The following DUOXA1 variants were observed in gnomAD, a reference collection of about 807,000 sequenced individuals.
DUOXA1 encodes dual oxidase activator 1.
DUOXA1 carries 19 observed loss-of-function variants against 26.6 expected under a neutral mutation model. That is an observed-to-expected ratio of 0.71 (90% CI 0.50 to 1.05). The LOEUF is 1.05. Ranked by LOEUF, DUOXA1 falls within the 50% of genes least tolerant of loss-of-function variation. DUOXA1 has a pLI of 0.00. For missense variants in DUOXA1, 403 were observed against 427.5 expected (o/e 0.94, Z 0.51); for synonymous variants, 166 against 177.0 (o/e 0.94, Z 0.49).
At chr15:45,128,168 G>C (rs1225253639) in intron 3 of DUOXA1, among the ~76,000 whole-genome samples, 1 of 152,160 alleles carries the variant, frequency 6.6e-6, no homozygotes, top group Admixed American at 6.5e-5. Context: ...GGTTGAAGTG[G>C]AGTTCCTATG....
At chr15:45,124,151 T>C (rs894171757) in intron 3 of DUOXA1, among the ~76,000 whole-genome samples, 1 of 152,254 alleles carries the variant, frequency 6.6e-6, no homozygotes, top group Non-Finnish European at 1.5e-5. Flanking sequence ...TAATTTAGTC[T>C]GACCACACAT....
intron 3 of DUOXA1, among the ~76,000 whole-genome samples, chr15:45,125,734 G>A (rs1171647600): frequency 6.6e-6 from 1 of 151,964 alleles, no homozygotes; most frequent in African/African-American, 2.4e-5. Flanking sequence ...CCATCTCTTT[G>A]TGGCTCCTCT....
At chr15:45,124,857 G>A (rs1277202965) in intron 3 of DUOXA1, among the ~76,000 whole-genome samples, 1 of 152,154 alleles carries the variant, frequency 6.6e-6, no homozygotes, top group Non-Finnish European at 1.5e-5. Flanking sequence ...AATCCATTCT[G>A]GGACTAGTTT....
At chr15:45,126,662 TGTAGA>T (rs146009785) in intron 3 of DUOXA1, among the ~76,000 whole-genome samples, 9,034 of 152,272 alleles carry the variant, frequency 0.059, 927 homozygotes, top group African/African-American at 0.21. Context: ...ATCCCCTGGA[TGTAGA>T]GTATACTAAT....
chr15:45,120,841 A>G (rs772073643), intron 6 of DUOXA1, 36 bp from the exon 7 acceptor site: 1 of 1,609,416 alleles, frequency 6.2e-7, no homozygotes, highest in Non-Finnish European at 8.5e-7. Context: ...GCAGGAACCC[A>G]AGGGCCAGAG....
At position 45,117,579 on chromosome 15, in the gene DUOXA1, C is replaced by A; in HGVS notation, c.*1527G>T. The stretch of plus-strand genomic sequence containing the variant: ...AGGCTCCAAAAGATGGAAGAAGGCC[C>A]GGGCATCACGCCTGTAATCCCAGCA... On this transcript the variant is annotated 3_prime_UTR_variant, in exon 9 of 9. Coordinates refer to ENST00000560572, the MANE Select transcript of DUOXA1 (RefSeq NM_001276266.2). 1 of 1,605,212 alleles carries A rather than the reference C, an allele frequency of 6.2e-7. No homozygotes were observed. Among genetic ancestry groups the A allele is most frequent in the Non-Finnish European group, 8.5e-7 (1 of 1,175,430 alleles).
intron 5 of DUOXA1, 65 bp downstream of exon 5, chr15:45,122,120 G>A: frequency 1.3e-6 from 2 of 1,522,128 alleles, no homozygotes; most frequent in Non-Finnish European, 1.8e-6. Flanking sequence ...GAGAGGAGAT[G>A]CAGGCTGCTG....
intron 4 of DUOXA1, 140 bp from the exon 5 acceptor site, chr15:45,122,382 A>G (rs1234588533): frequency 1.6e-5 from 13 of 789,740 alleles, no homozygotes; most frequent in Non-Finnish European, 2.8e-5. Flanking sequence ...CTGGCACATA[A>G]TAAGTGCTTA....
rs1433503580 is a variant in DUOXA1, at chr15:45,117,471, G to C, written c.*1635C>G. On this transcript the variant is annotated 3_prime_UTR_variant, in exon 9 of 9. Transcript: ENST00000560572. Reference sequence around the variant, plus strand: ...TATGACCATTTTACAGATGAAAAGTGGGGGGCTCAGAAGGGTTTGGTGTCT... The same window carrying C: ...TATGACCATTTTACAGATGAAAAGTCGGGGGCTCAGAAGGGTTTGGTGTCT... The C allele has an allele frequency of 6.5e-7, 1 of 1,548,472 alleles. No individual in the cohort carries two copies. The highest frequency in any genetic ancestry group is 8.7e-7 in the Non-Finnish European group (1 of 1,144,814).
intron 8 of DUOXA1, 108 bp from the exon 9 acceptor site, chr15:45,119,473 C>T: frequency 6.9e-7 from 1 of 1,450,072 alleles, no homozygotes; most frequent in Non-Finnish European, 9.1e-7. Context: ...AGAGCCCCTG[C>T]TTCAGGGCAA....
chr15:45,123,095 G>A, intron 3 of DUOXA1, 52 bp from the exon 4 acceptor site: 1 of 1,478,538 alleles, frequency 6.8e-7, no homozygotes, highest in African/African-American at 1.4e-5. Flanking sequence ...ACCTGGCACT[G>A]TTTTTAGTGC....
At chr15:45,123,656 C>T (rs901666634) in intron 3 of DUOXA1, among the ~76,000 whole-genome samples, 2 of 152,232 alleles carry the variant, frequency 1.3e-5, no homozygotes, top group Non-Finnish European at 2.9e-5. Context: ...TTGAGCTTCA[C>T]TGAGTTCACC....
chr15:45,117,943 G>T lies in DUOXA1; in HGVS notation c.*1163C>A. On this transcript the variant is annotated 3_prime_UTR_variant, in exon 9 of 9. Transcript: ENST00000560572. ...CAATCTGGACTCCTTCCCCGCCTTGGGACATCGCAGGCCGGGAAGCAGTGC... is the reference window on the plus strand; with the variant it reads ...CAATCTGGACTCCTTCCCCGCCTTGTGACATCGCAGGCCGGGAAGCAGTGC... The T allele has an allele frequency of 6.2e-7, 1 of 1,613,026 alleles. No homozygotes were observed. Among genetic ancestry groups the T allele is most frequent in the East Asian group, 2.2e-5 (1 of 44,876 alleles).
chr15:45,120,054 C>T (rs1810657025), intron 8 of DUOXA1, 49 bp downstream of exon 8: 2 of 1,605,060 alleles, frequency 1.2e-6, no homozygotes, highest in South Asian at 1.1e-5. Flanking sequence ...CAGGCCCTCC[C>T]TCCCTGGCCT....
At position 45,117,945 on chromosome 15, in the gene DUOXA1, A is replaced by G; in HGVS notation, c.*1161T>C. ...ATCTGGACTCCTTCCCCGCCTTGGG[A>G]CATCGCAGGCCGGGAAGCAGTGCCC... On this transcript the variant is annotated 3_prime_UTR_variant, in exon 9 of 9. Coordinates refer to ENST00000560572, the MANE Select transcript of DUOXA1 (RefSeq NM_001276266.2). 1 of 1,613,014 alleles carries G rather than the reference A, an allele frequency of 6.2e-7. No individual in the cohort carries two copies. Among genetic ancestry groups the G allele is most frequent in the Non-Finnish European group, 8.5e-7 (1 of 1,179,874 alleles).
rs1473676046 is a variant in DUOXA1 at position 45,117,531 on chromosome 15, T to C, written c.*1575A>G. On this transcript the variant is annotated 3_prime_UTR_variant, in exon 9 of 9. Coordinates refer to ENST00000560572, the MANE Select transcript of DUOXA1 (RefSeq NM_001276266.2). ...TCATGTAATTCAGATTAGAGGTGTG[T>C]GGCGGGAGGTAACACAAGGGGTAGG... 1.9e-6 allele frequency: 3 copies of C among 1,558,928 alleles called. No individual in the cohort carries two copies. Among genetic ancestry groups the C allele is most frequent in the Non-Finnish European group, 2.6e-6 (3 of 1,150,624 alleles).
chr15:45,117,502 T>C lies in DUOXA1; in HGVS notation c.*1604A>G, dbSNP rs374281877. On this transcript the variant is annotated 3_prime_UTR_variant, in exon 9 of 9. Transcript: ENST00000560572. ...CTCAGAAGGGTTTGGTGTCTTGCCGTGTTTCATGTAATTCAGATTAGAGGT... is the reference window on the plus strand; with the variant it reads ...CTCAGAAGGGTTTGGTGTCTTGCCGCGTTTCATGTAATTCAGATTAGAGGT... 27 of 1,553,016 alleles carry C rather than the reference T, an allele frequency of 1.7e-5. No individual in the cohort carries two copies. In the African/African-American group the frequency reaches 3.7e-4, roughly 21 times the overall value.
At chr15:45,122,158 C>T (rs1303829300) in intron 5 of DUOXA1, 27 bp downstream of exon 5, 3 of 1,581,838 alleles carry the variant, frequency 1.9e-6, no homozygotes, top group African/African-American at 1.3e-5. Context: ...GAGGCAGCAG[C>T]CCAAGTCAGC....
At position 45,118,239 on chromosome 15, in the gene DUOXA1, G is replaced by C; in HGVS notation, c.*867C>G. 7.1e-7 allele frequency: 1 copy of C among 1,402,944 alleles called. No homozygotes were observed. The highest frequency in any genetic ancestry group is 9.2e-7 in the Non-Finnish European group (1 of 1,085,500). 86.9% of individuals were successfully genotyped at this position (1,402,944 alleles called of 1,614,324 possible). A position where few individuals can be genotyped will look rare whatever the true frequency, so the allele number is the denominator to read the frequency against. ...CCTGATTCTCTGCGTCGACTCCAGAGTAATAGGGGCGCCCTCTAGTGAGGC... is the reference window on the plus strand; with the variant it reads ...CCTGATTCTCTGCGTCGACTCCAGACTAATAGGGGCGCCCTCTAGTGAGGC... On this transcript the variant is annotated 3_prime_UTR_variant, in exon 9 of 9. Transcript: ENST00000560572.
Sources: gnomAD v4.1 joint callset for allele counts (sites outside exome capture counted in the v4.1 genomes callset) on GRCh38, gnomAD v4.1.1 for gene constraint, MANE v1.5 for transcripts, NCBI Gene and HGNC (gene_info 2026-07-23, HGNC 2026-07-21) for gene names.